Variants in SLC15A1 observed in about 807,000 individuals in gnomAD.
SLC15A1 encodes Caco-2 oligopeptide transporter.
A neutral mutation model predicts 92.9 loss-of-function variants in SLC15A1; 83 were observed. The observed-to-expected ratio is 0.89, with a 90% CI of 0.75 to 1.07. The LOEUF is 1.07. Among genes scored for constraint, SLC15A1 ranks in the 50% least tolerant of loss-of-function variants. The pLI, the probability that SLC15A1 is intolerant of heterozygous loss-of-function variation, is 0.00. For missense variants in SLC15A1, 857 were observed against 880.1 expected (o/e 0.97, Z 0.33); for synonymous variants, 322 against 318.2 (o/e 1.01, Z -0.13).
At chr13:98,687,355 A>G (rs1158828255) in intron 21 of SLC15A1, among the ~76,000 whole-genome samples, 2 of 152,212 alleles carry the variant, frequency 1.3e-5, no homozygotes, top group African/African-American at 4.8e-5. Flanking sequence ...CTGTGGGGCT[A>G]TGGACACATG....
intron 18 of SLC15A1, among the ~76,000 whole-genome samples, chr13:98,689,618 A>G (rs1566442223): frequency 6.6e-6 from 1 of 151,644 alleles, no homozygotes; most frequent in Non-Finnish European, 1.5e-5. Context: ...GCTAATTTTT[A>G]TTTTTATTTT....
intron 16 of SLC15A1, among the ~76,000 whole-genome samples, chr13:98,705,195 T>C (rs1394033509): frequency 3.3e-5 from 3 of 91,652 alleles, no homozygotes; most frequent in Admixed American, 1.3e-4. Context: ...TGAGGCTCTG[T>C]ATTTAAGAAA....
chr13:98,714,583 G>A (rs1460444824), intron 9 of SLC15A1, among the ~76,000 whole-genome samples: 3 of 148,956 alleles, frequency 2.0e-5, no homozygotes, highest in Non-Finnish European at 4.4e-5. Flanking sequence ...TGAACTGGGA[G>A]GCAGAGGTTG....
At chr13:98,715,829 G>T in intron 9 of SLC15A1, 49 bp downstream of exon 9, 3 of 1,437,104 alleles carry the variant, frequency 2.1e-6, no homozygotes, top group Non-Finnish European at 2.9e-6. Context: ...AAAGTAGAAG[G>T]TTCTGAGGTG....
chr13:98,698,678 C>G (rs2088042844), intron 18 of SLC15A1, among the ~76,000 whole-genome samples: 3 of 152,178 alleles, frequency 2.0e-5, no homozygotes, highest in Admixed American at 2.0e-4. Context: ...CTCAGGTGAT[C>G]CACCTACCTC....
At chr13:98,712,409 T>G (rs190365824) in intron 10 of SLC15A1, 89 bp downstream of exon 10, 1 of 1,002,386 alleles carries the variant, frequency 1.0e-6, no homozygotes, top group African/African-American at 1.6e-5. Flanking sequence ...ACTGACCATT[T>G]TGTCCATGTA....
Position 98,709,618 on chromosome 13 carries a change from C to T in SLC15A1, c.1021G>A (p.Asp341Asn), listed in dbSNP as rs747795371. ...GCAATGAGAGGGTACAGCACAGCAT[C>T]GAAGATCGGGACCATGATCACGATC... ...ILIVIMVPIF[D>N]AVLYPLIAKC... Residue 341 changes from aspartate (D) to asparagine (N), a missense_variant, in exon 14 of 23, where the codon GAT becomes AAT. Coordinates refer to ENST00000376503, the MANE Select transcript of SLC15A1 (RefSeq NM_005073.4). The T allele has an allele frequency of 1.2e-6, 2 of 1,614,132 alleles. No individual in the cohort carries two copies. Among genetic ancestry groups the T allele is most frequent in the Non-Finnish European group, 1.7e-6 (2 of 1,180,028 alleles).
rs2088376482 is a variant in SLC15A1, at chr13:98,734,702, T to C, written c.5-7843A>G. ...TACAAACTACCATCAGAGAATACTA[T>C]AAACACCTCTATGCAAATAAACTAG... On this transcript the variant is annotated intron_variant, in intron 1 of 22. Coordinates refer to ENST00000376503, the MANE Select transcript of SLC15A1 (RefSeq NM_005073.4). Among the ~76,000 whole-genome samples the C allele has an allele frequency of 2.6e-5, 4 of 152,106 alleles. No homozygotes were observed. The South Asian group carries it at 8.3e-4, about 32-fold the overall frequency.
At chr13:98,719,686 G>A (rs1217749294) in intron 7 of SLC15A1, among the ~76,000 whole-genome samples, 4 of 152,198 alleles carry the variant, frequency 2.6e-5, no homozygotes, top group African/African-American at 9.6e-5. Context: ...AATACTATCT[G>A]TTCCTGAATT....
At position 98,719,313 on chromosome 13, in the gene SLC15A1, T is replaced by A; in HGVS notation, c.564A>T (p.Gln188His). The A allele has an allele frequency of 4.3e-6, 7 of 1,612,628 alleles. No homozygotes were observed. The highest frequency in any genetic ancestry group is 5.9e-6 in the Non-Finnish European group (7 of 1,178,734). Residue 188 changes from glutamine (Q) to histidine (H), a missense_variant, in exon 8 of 23, where the codon CAA becomes CAT. Transcript: ENST00000376503. ...TIITPMLRVQQCGIHSKQACY... is the reference protein window; with the variant it reads ...TIITPMLRVQHCGIHSKQACY... ...AAGCTTGTTTACTGTGAATTCCACA[T>A]TGTTGAACTGGGGAGAAATGACAAG...
chr13:98,726,095 T>C, intron 4 of SLC15A1, 28 bp downstream of exon 4: 7 of 1,611,124 alleles, frequency 4.3e-6, no homozygotes, highest in Non-Finnish European at 5.9e-6. Context: ...TTCGCTTGTT[T>C]GTGAACAAGA....
intron 9 of SLC15A1, 74 bp downstream of exon 9, chr13:98,715,804 A>G (rs1401585595): frequency 1.6e-6 from 2 of 1,240,360 alleles, no homozygotes; most frequent in African/African-American, 3.0e-5. Flanking sequence ...TCAAAGCTTA[A>G]ATTTTAATTT....
chr13:98,741,859 C>T (rs1032065421), intron 1 of SLC15A1, among the ~76,000 whole-genome samples: 1 of 152,166 alleles, frequency 6.6e-6, no homozygotes, highest in Non-Finnish European at 1.5e-5. Context: ...TTTTTGAATG[C>T]CATTTGCTCA....
chr13:98,684,852 C>T lies in SLC15A1; in HGVS notation c.1999G>A (p.Ala667Thr). The T allele has an allele frequency of 6.2e-7, 1 of 1,614,086 alleles. No homozygotes were observed. Among genetic ancestry groups the T allele is most frequent in the Non-Finnish European group, 8.5e-7 (1 of 1,180,026 alleles). ...GGGTTGATGTAAGTATAGAACCGAG[C>T]CATGATGGCAAAAATTACACAGACG... is the stretch of plus-strand genomic sequence containing the variant. ...LVVCVIFAIM[A>T]RFYTYINPAE... Residue 667 changes from alanine (A) to threonine (T), a missense_variant, in exon 23 of 23, where the codon GCT (alanine) becomes ACT (threonine). By Grantham distance (58) the Ala-to-Thr change is moderately conservative. Coordinates refer to ENST00000376503, the MANE Select transcript of SLC15A1 (RefSeq NM_005073.4).
chr13:98,748,939 C>T (rs1394485408), intron 1 of SLC15A1, among the ~76,000 whole-genome samples: 1 of 152,224 alleles, frequency 6.6e-6, no homozygotes, highest in Non-Finnish European at 1.5e-5. Flanking sequence ...CTGGAACAAG[C>T]CCTCACTCAG....
chr13:98,746,636 T>C (rs2088495291), intron 1 of SLC15A1, among the ~76,000 whole-genome samples: 1 of 152,242 alleles, frequency 6.6e-6, no homozygotes, highest in Admixed American at 6.5e-5. Context: ...ATTGTAGAAG[T>C]TCTAAATGCC....
In SLC15A1 at chr13:98,720,161, T is replaced by C. The variant is rs563205474; in HGVS notation, c.557-841A>G. ...AAGTGACACTCATGCAAATGTTTCC[T>C]GTTCATGGCAAAAAATAATTTTCCC... On this transcript the variant is annotated intron_variant, in intron 7 of 22. Coordinates refer to ENST00000376503, the MANE Select transcript of SLC15A1 (RefSeq NM_005073.4). Among the ~76,000 whole-genome samples, 5 of 152,302 alleles carry C rather than the reference T, an allele frequency of 3.3e-5. 1 individual carries two copies. In the East Asian group the frequency reaches 9.6e-4, roughly 29 times the overall value.
chr13:98,690,522 C>T (rs926202053), intron 18 of SLC15A1, among the ~76,000 whole-genome samples: 1 of 152,196 alleles, frequency 6.6e-6, no homozygotes, highest in Non-Finnish European at 1.5e-5. Flanking sequence ...TATAACTTAT[C>T]AGCCATCAGA....
chr13:98,712,443 T>C, intron 10 of SLC15A1, 55 bp downstream of exon 10: 1 of 1,343,262 alleles, frequency 7.4e-7, no homozygotes, highest in Non-Finnish European at 1.1e-6. Context: ...TTGAGATTTT[T>C]CAGTGTTCAC....
Sources: gnomAD v4.1 joint callset for allele counts (sites outside exome capture counted in the v4.1 genomes callset) on GRCh38, gnomAD v4.1.1 for gene constraint, MANE v1.5 for transcripts, NCBI Gene and HGNC (gene_info 2026-07-23, HGNC 2026-07-21) for gene names.